CERS6: variants seen among roughly 807,000 people sequenced by gnomAD.
CERS6 encodes ceramide synthase 6, also known as LAG1 homolog, ceramide synthase 6.
A neutral mutation model predicts 56.8 loss-of-function variants in CERS6; 26 were observed. The ratio of observed to expected loss-of-function variants is 0.46; its 90% CI spans 0.34 to 0.63. The LOEUF (loss-of-function observed/expected upper bound fraction) is 0.63. CERS6 is among the 30% of genes least tolerant of loss of function. The probability of loss-of-function intolerance (pLI) is 0.01; values close to 1 mark genes in which losing one functional copy is unlikely to be tolerated. For synonymous variants in CERS6, 164 were observed against 173.3 expected (o/e 0.95, Z 0.42); for missense variants, 415 against 467.5 (o/e 0.89, Z 1.04).
chr2:168,543,372 C>G (rs1280596861), intron 1 of CERS6, among the ~76,000 whole-genome samples: 1 of 152,074 alleles, frequency 6.6e-6, no homozygotes, highest in African/African-American at 2.4e-5. Context: ...TACCCCCATC[C>G]CCCATCAATC....
In CERS6 at chr2:168,765,530, A is replaced by G. The variant is rs937204833; in HGVS notation, c.846-62A>G. 33 of 1,561,914 alleles carry G rather than the reference A, an allele frequency of 2.1e-5. No individual in the cohort carries two copies. The African/African-American group carries it at 3.3e-4, about 15-fold the overall frequency. ...GACCTTGTGCTTTAATGCAGTGACTAGAGTTCCTTGGAAAGCAAAGGAAAA... is the reference window on the plus strand; with the variant it reads ...GACCTTGTGCTTTAATGCAGTGACTGGAGTTCCTTGGAAAGCAAAGGAAAA... On this transcript the variant is annotated intron_variant, in intron 8 of 9. Transcript: ENST00000305747.
chr2:168,634,995 T>C (rs1684830649), intron 4 of CERS6, among the ~76,000 whole-genome samples: 5 of 152,220 alleles, frequency 3.3e-5, no homozygotes, highest in Admixed American at 3.3e-4. Context: ...CTCCTGATTT[T>C]TGAAAAAGTC....
chr2:168,543,716 T>C (rs1008519962), intron 1 of CERS6, among the ~76,000 whole-genome samples: 8 of 152,240 alleles, frequency 5.3e-5, no homozygotes, highest in Admixed American at 6.5e-5. Flanking sequence ...GCCTATCTTA[T>C]GCAATTTTAA....
intron 3 of CERS6, among the ~76,000 whole-genome samples, chr2:168,623,471 G>GA (rs147317858): frequency 0.3 from 45,372 of 150,818 alleles, 7,649 homozygotes; most frequent in African/African-American, 0.46. Flanking sequence ...AGTAAAGCAG[G>GA]AAAAAAAAAT....
intron 9 of CERS6, chr2:168,766,239 G>C (rs935758733): frequency 7.7e-7 from 1 of 1,298,204 alleles, no homozygotes; most frequent in East Asian, 2.3e-5. Flanking sequence ...CCCCAACCCT[G>C]TGTGTAGAGC....
chr2:168,529,722 C>G (rs894198494), intron 1 of CERS6, among the ~76,000 whole-genome samples: 1 of 152,188 alleles, frequency 6.6e-6, no homozygotes, highest in Non-Finnish European at 1.5e-5. Context: ...ATCTTTTCCT[C>G]ATTTGTGAAG....
At chr2:168,692,086 T>G (rs1051269490) in intron 5 of CERS6, among the ~76,000 whole-genome samples, 24 of 152,174 alleles carry the variant, frequency 1.6e-4, no homozygotes, top group African/African-American at 5.3e-4. Context: ...GGAATTCCAA[T>G]TGGCATTTTC....
intron 8 of CERS6, among the ~76,000 whole-genome samples, chr2:168,733,719 A>G (rs1164821021): frequency 6.6e-6 from 1 of 152,240 alleles, no homozygotes; most frequent in Non-Finnish European, 1.5e-5. Flanking sequence ...TCATAACAAA[A>G]GCCTCTGACA....
At chr2:168,512,635 A>G (rs560729800) in intron 1 of CERS6, among the ~76,000 whole-genome samples, 1 of 151,618 alleles carries the variant, frequency 6.6e-6, no homozygotes, top group African/African-American at 2.4e-5. Context: ...TGAGAGTACC[A>G]ATTAATGATT....
intron 1 of CERS6, among the ~76,000 whole-genome samples, chr2:168,459,706 T>C (rs1215716724): frequency 2.0e-5 from 3 of 152,194 alleles, no homozygotes. Context: ...GTTAACTTGA[T>C]CACAAAGAAC....
At chr2:168,668,871 T>A (rs1192460813) in intron 4 of CERS6, among the ~76,000 whole-genome samples, 1 of 152,214 alleles carries the variant, frequency 6.6e-6, no homozygotes, top group East Asian at 1.9e-4. Context: ...TGAAATGTTA[T>A]TAGATTTTTT....
intron 1 of CERS6, among the ~76,000 whole-genome samples, chr2:168,492,264 C>T (rs755357972): frequency 6.6e-6 from 1 of 152,222 alleles, no homozygotes; most frequent in African/African-American, 2.4e-5. Flanking sequence ...TATTCGTCCA[C>T]ATCCTCTCCA....
At chr2:168,765,785 A>C (rs1414672702) in intron 9 of CERS6, 37 bp downstream of exon 9, 1 of 1,577,328 alleles carries the variant, frequency 6.3e-7, no homozygotes, top group African/African-American at 1.4e-5. Flanking sequence ...ATGTCTTAAA[A>C]AATTTTGTTT....
At chr2:168,472,241 A>G (rs1693990571) in intron 1 of CERS6, among the ~76,000 whole-genome samples, 1 of 152,218 alleles carries the variant, frequency 6.6e-6, no homozygotes, top group South Asian at 2.1e-4. Context: ...ACACGCATAA[A>G]AGTATACCTT....
At chr2:168,709,878 T>C (rs1386612796) in intron 6 of CERS6, among the ~76,000 whole-genome samples, 1 of 152,166 alleles carries the variant, frequency 6.6e-6, no homozygotes, top group African/African-American at 2.4e-5. Flanking sequence ...AAGAAATGTG[T>C]TGGGTAAGGA....
chr2:168,710,584 A>G (rs1009317167), intron 6 of CERS6, among the ~76,000 whole-genome samples: 3 of 152,246 alleles, frequency 2.0e-5, no homozygotes, highest in African/African-American at 4.8e-5. Context: ...ATTATCTGGT[A>G]GAACACTATA....
At chr2:168,630,094 G>A (rs573508957) in intron 3 of CERS6, among the ~76,000 whole-genome samples, 27 of 152,202 alleles carry the variant, frequency 1.8e-4, no homozygotes, top group Non-Finnish European at 2.8e-4. Flanking sequence ...GGGATTACAG[G>A]TGTGAGCCAA....
chr2:168,741,239 G>A (rs1270261761), intron 8 of CERS6, among the ~76,000 whole-genome samples: 2 of 152,126 alleles, frequency 1.3e-5, no homozygotes, highest in Non-Finnish European at 2.9e-5. Context: ...GAGCTATGAT[G>A]ATTAATAATA....
At chr2:168,461,454 T>C (rs923879383) in intron 1 of CERS6, among the ~76,000 whole-genome samples, 18 of 123,196 alleles carry the variant, frequency 1.5e-4, no homozygotes, top group African/African-American at 5.1e-4. Flanking sequence ...AGTGAGACCC[T>C]GTCTCAAAAA....
Sources: allele counts gnomAD v4.1 joint callset (sites outside exome capture counted in the v4.1 genomes callset), GRCh38; gene constraint gnomAD v4.1.1; transcripts MANE v1.5; gene names NCBI Gene and HGNC (gene_info 2026-07-23, HGNC 2026-07-21).